PCDHGA2: variants seen among roughly 807,000 people sequenced by gnomAD.
PCDHGA2 encodes the protein protocadherin gamma-A2.
In PCDHGA2, 40 loss-of-function variants were observed where a neutral mutation model predicts 59.2. That is an observed-to-expected ratio of 0.68 (90% CI 0.52 to 0.88). The LOEUF is 0.88. Ranked by LOEUF, PCDHGA2 falls within the 40% of genes least tolerant of loss-of-function variation. The pLI, the probability that PCDHGA2 is intolerant of heterozygous loss-of-function variation, is 0.00. For synonymous variants in PCDHGA2, 560 were observed against 526.0 expected (o/e 1.06, Z -0.89); for missense variants, 1,226 against 1,204.0 (o/e 1.02, Z -0.27).
chr5:141,351,171 A>AT, intron 1 of PCDHGA2: 1 of 1,614,038 alleles, frequency 6.2e-7, no homozygotes, highest in Non-Finnish European at 8.5e-7. Context: ...GGCACATTGG[A>AT]TTTTGAAGAG....
At chr5:141,401,570 C>T (rs192915698) in intron 1 of PCDHGA2, among the ~76,000 whole-genome samples, 2 of 152,290 alleles carry the variant, frequency 1.3e-5, no homozygotes, top group Admixed American at 1.3e-4. Context: ...ATTTCTCTTG[C>T]TCGGAATCCT....
chr5:141,495,973 A>C (rs2099764953), intron 2 of PCDHGA2, among the ~76,000 whole-genome samples: 1 of 146,988 alleles, frequency 6.8e-6, no homozygotes, highest in African/African-American at 2.5e-5. Context: ...TTTCTCTGTT[A>C]CTCTTTCTTT....
rs749014540 is a variant in PCDHGA2, at chr5:141,360,217, G to A, written c.2424+18822G>A. ...CTTCCTGTTGTCTTTGTTCCCCGGG[G>A]CTCTCCCAGTCCAGATCCGCTATTC... On this transcript the variant is annotated intron_variant, in intron 1 of 3. Transcript: ENST00000394576. 3 of 1,613,398 alleles carry A rather than the reference G, an allele frequency of 1.9e-6. No individual in the cohort carries two copies. In the South Asian group the frequency reaches 3.3e-5, roughly 18 times the overall value.
At chr5:141,421,192 C>G (rs758345796) in intron 1 of PCDHGA2, 22 of 1,491,716 alleles carry the variant, frequency 1.5e-5, no homozygotes, top group Non-Finnish European at 1.9e-5. Flanking sequence ...AACCAACCAG[C>G]TCGAGAAACC....
intron 1 of PCDHGA2, among the ~76,000 whole-genome samples, chr5:141,406,072 C>CTTT (rs530474569): frequency 7.1e-6 from 1 of 141,484 alleles, no homozygotes. Flanking sequence ...ATTCTTACTC[C>CTTT]TTTTTTTTTT....
intron 1 of PCDHGA2, chr5:141,341,611 G>A (rs1757072628): frequency 2.2e-6 from 2 of 924,930 alleles, no homozygotes; most frequent in Non-Finnish European, 1.6e-6. Context: ...ATGTAAACCA[G>A]GAGTTAATAG....
rs747159210 is a variant in PCDHGA2, at chr5:141,511,184, A to C, written c.*11A>C. 1.2e-5 allele frequency: 19 copies of C among 1,613,876 alleles called. No homozygotes were observed. In the Admixed American group the frequency reaches 3.2e-4, roughly 27 times the overall value. ...AAGGAGAAGAAGTAACATGGAGGCC[A>C]GGCCAAGAGCCACAGGGCGGCCTCT... is the stretch of plus-strand genomic sequence containing the variant. On this transcript the variant is annotated 3_prime_UTR_variant, in exon 4 of 4. Transcript: ENST00000394576.
intron 1 of PCDHGA2, chr5:141,355,445 G>T (rs1309523681): frequency 1.2e-6 from 2 of 1,614,106 alleles, no homozygotes; most frequent in East Asian, 2.2e-5. Flanking sequence ...CCGCGCAGCG[G>T]CACCTTGGTC....
intron 1 of PCDHGA2, chr5:141,345,879 C>A: frequency 1.2e-6 from 2 of 1,613,490 alleles, no homozygotes; most frequent in Non-Finnish European, 1.7e-6. Flanking sequence ...CGAGCCGGGA[C>A]TCTTCTCGGT....
At position 141,431,828 on chromosome 5, in the gene PCDHGA2, C is replaced by G. The variant is rs750949066; in HGVS notation, c.2425-62979C>G. ...CCTCACCTCTCTCGCCAGCTCGGTTCCCGAAAACTCTCCCAGAGGGACATT... is the reference window on the plus strand; with the variant it reads ...CCTCACCTCTCTCGCCAGCTCGGTTGCCGAAAACTCTCCCAGAGGGACATT... On this transcript the variant is annotated intron_variant, in intron 1 of 3. Coordinates refer to ENST00000394576, the MANE Select transcript of PCDHGA2 (RefSeq NM_018915.4). This position sits in a 1 kb window ranked among gnomAD's most constrained non-coding sequence, Gnocchi z 4.8. The G allele has an allele frequency of 5.6e-6, 9 of 1,610,208 alleles. No homozygotes were observed. Among genetic ancestry groups the G allele is most frequent in the Non-Finnish European group, 1.7e-6 (2 of 1,176,374 alleles).
rs1460389320 is a variant in PCDHGA2 at position 141,490,134 on chromosome 5, C to T, written c.2425-4673C>T. The T allele has an allele frequency of 2.5e-6, 4 of 1,614,114 alleles. No homozygotes were observed. Among genetic ancestry groups the T allele is most frequent in the Admixed American group, 3.3e-5 (2 of 59,998 alleles). ...GGAACCTCTTTGGCCTAGACCCTAG[C>T]AGTGGGGCAATCCATGTGTTGGGTC... On this transcript the variant is annotated intron_variant, in intron 1 of 3. Coordinates refer to ENST00000394576, the MANE Select transcript of PCDHGA2 (RefSeq NM_018915.4). This position sits in a 1 kb window ranked among gnomAD's most constrained non-coding sequence, Gnocchi z 5.4.
At chr5:141,352,275 G>A in intron 1 of PCDHGA2, 2 of 1,614,086 alleles carry the variant, frequency 1.2e-6, no homozygotes, top group Non-Finnish European at 1.7e-6. Flanking sequence ...CCAGACCTCA[G>A]CGACCGCCCT....
In PCDHGA2 at chr5:141,340,866, T is replaced by C. The variant is rs1194724338; in HGVS notation, c.1895T>C (p.Leu632Pro). 6.2e-7 allele frequency: 1 copy of C among 1,613,562 alleles called. No individual in the cohort carries two copies. Among genetic ancestry groups the C allele is most frequent in the Non-Finnish European group, 8.5e-7 (1 of 1,179,930 alleles). Residue 632 changes from leucine (L) to proline (P), a missense_variant, in exon 1 of 4, where the codon CTG becomes CCG. Transcript: ENST00000394576. ...HTGEVRTARALLDRDALKQSL... is the reference protein window; with the variant it reads ...HTGEVRTARAPLDRDALKQSL... ...GGCGAGGTGCGCACGGCGCGAGCCC[T>C]GCTGGACAGAGACGCGCTCAAGCAG...
chr5:141,371,993 G>C, intron 1 of PCDHGA2: 2 of 1,613,268 alleles, frequency 1.2e-6, no homozygotes, highest in Non-Finnish European at 1.7e-6. Context: ...TCACTCTGCA[G>C]GCCCGCGACC....
At chr5:141,356,309 A>G (rs1276451219) in intron 1 of PCDHGA2, 1 of 1,554,284 alleles carries the variant, frequency 6.4e-7, no homozygotes, top group Non-Finnish European at 8.7e-7. Context: ...GCACTTTTCA[A>G]CGTGCATGAC....
intron 1 of PCDHGA2, chr5:141,370,472 C>G: frequency 1.2e-6 from 2 of 1,613,450 alleles, no homozygotes; most frequent in Non-Finnish European, 1.7e-6. Context: ...CTTTGTTAGA[C>G]CAGGCTCTCT....
intron 1 of PCDHGA2, among the ~76,000 whole-genome samples, chr5:141,346,826 A>AC (rs1408143330): frequency 6.6e-6 from 1 of 152,222 alleles, no homozygotes; most frequent in African/African-American, 2.4e-5. Context: ...TACCTGTGAT[A>AC]AATAGGCCTT....
At chr5:141,364,978 T>G (rs753013611) in intron 1 of PCDHGA2, 1 of 1,613,892 alleles carries the variant, frequency 6.2e-7, no homozygotes, top group Non-Finnish European at 8.5e-7. Flanking sequence ...CAGCTTTAGA[T>G]GGCGGAGACC....
intron 1 of PCDHGA2, among the ~76,000 whole-genome samples, chr5:141,433,940 T>C (rs1315031506): frequency 6.6e-6 from 1 of 152,192 alleles, no homozygotes; most frequent in African/African-American, 2.4e-5. Flanking sequence ...TATAATTCCA[T>C]TGTTTCTTCT....
Sources: gnomAD v4.1 joint callset for allele counts (sites outside exome capture counted in the v4.1 genomes callset) on GRCh38, gnomAD v4.1.1 for gene constraint, Gnocchi (gnomAD v3.1) non-coding constraint, MANE v1.5 for transcripts, NCBI Gene and HGNC (gene_info 2026-07-23, HGNC 2026-07-21) for gene names.